TGFBI: variants seen among roughly 807,000 people sequenced by gnomAD.
The protein encoded by TGFBI is transforming growth factor-beta-induced protein ig-h3.
TGFBI carries 50 observed loss-of-function variants against 73.7 expected under a neutral mutation model. That is an observed-to-expected ratio of 0.68 (90% CI 0.54 to 0.86). TGFBI has a LOEUF of 0.86. Ranked by LOEUF, TGFBI falls within the 40% of genes least tolerant of loss-of-function variation. The pLI, the probability that TGFBI is intolerant of heterozygous loss-of-function variation, is 0.00. For synonymous variants in TGFBI, 362 were observed against 360.5 expected (o/e 1.00, Z -0.05); for missense variants, 839 against 877.0 (o/e 0.96, Z 0.55).
At chr5:136,032,521 G>A (rs529742797) in intron 1 of TGFBI, among the ~76,000 whole-genome samples, 15 of 152,294 alleles carry the variant, frequency 9.8e-5, no homozygotes, top group South Asian at 8.3e-4. Flanking sequence ...TAACAAATAC[G>A]CTGCACATCA....
intron 2 of TGFBI, among the ~76,000 whole-genome samples, chr5:136,035,517 C>T (rs45472895): frequency 4.0e-5 from 6 of 149,750 alleles, no homozygotes; most frequent in Admixed American, 1.3e-4. Flanking sequence ...CCCAGCTACT[C>T]GGGAGGCTGA....
chr5:136,061,072 G>A, intron 14 of TGFBI, 136 bp downstream of exon 14: 1 of 670,014 alleles, frequency 1.5e-6, no homozygotes, highest in Non-Finnish European at 2.5e-6. Flanking sequence ...CTATGTGACT[G>A]ATTGCAGAGT....
At chr5:136,032,318 C>T (rs1368909248) in intron 1 of TGFBI, among the ~76,000 whole-genome samples, 3 of 152,260 alleles carry the variant, frequency 2.0e-5, no homozygotes, top group South Asian at 2.1e-4. Context: ...CTCACTTTCA[C>T]CTGTTGAACA....
chr5:136,055,703 C>T lies in TGFBI; in HGVS notation c.1434C>T (p.Cys478=), dbSNP rs918036974. The change falls in exon 11 of 17, where the codon TGC becomes TGT. Residue 478 remains cysteine, a synonymous_variant. Coordinates refer to ENST00000442011, the MANE Select transcript of TGFBI (RefSeq NM_000358.3). The part of the protein sequence containing the change: ...YRNSLCIENS[C]IAAHDKRGRY... The stretch of plus-strand genomic sequence containing the variant: ...AGAGCCTCTGCATTGAGAACAGCTG[C>T]ATCGCGGCCCACGACAAGAGGGGGA... 1.2e-6 allele frequency: 2 copies of T among 1,609,494 alleles called. No individual in the cohort carries two copies. Among genetic ancestry groups the T allele is most frequent in the African/African-American group, 1.3e-5 (1 of 74,870 alleles).
chr5:136,044,871 G>A (rs1345120953), intron 3 of TGFBI: 1 of 152,152 alleles, frequency 6.6e-6, no homozygotes. Flanking sequence ...ATATAAAGTG[G>A]TATAGTATTT....
At chr5:136,055,945 C>T (rs560828000) in intron 11 of TGFBI, 129 bp downstream of exon 11, 8 of 966,914 alleles carry the variant, frequency 8.3e-6, no homozygotes, top group Admixed American at 3.2e-5. Context: ...TGCACTGCTG[C>T]GACCTTCCAG....
chr5:136,038,604 C>G (rs947274127), intron 2 of TGFBI, among the ~76,000 whole-genome samples: 3 of 151,896 alleles, frequency 2.0e-5, no homozygotes, highest in East Asian at 1.9e-4. Context: ...ACCTGTAATC[C>G]CAGCTACTCA....
intron 7 of TGFBI, among the ~76,000 whole-genome samples, chr5:136,050,493 T>A (rs1252748587): frequency 6.6e-6 from 1 of 152,174 alleles, no homozygotes; most frequent in Admixed American, 6.5e-5. Flanking sequence ...GTTTTCCTTT[T>A]GGAGATGAGA....
chr5:136,032,395 G>A (rs892844983), intron 1 of TGFBI, among the ~76,000 whole-genome samples: 1 of 152,212 alleles, frequency 6.6e-6, no homozygotes, highest in Non-Finnish European at 1.5e-5. Flanking sequence ...TGAAGGGGCA[G>A]AATGGACTCC....
In TGFBI at chr5:136,046,970, T is replaced by C. The variant is rs766510092; in HGVS notation, c.579T>C (p.Ser193=). ...TGAAACACGGCATGACCCTCACCTC[T>C]ATGTACCAGAATTCCAACATCCAGA... The part of the protein sequence containing the change: ...DELKHGMTLT[S]MYQNSNIQIH... The change falls in exon 5 of 17, where the codon TCT becomes TCC. Residue 193 remains serine (S), a synonymous_variant. Transcript: ENST00000442011. 6.2e-7 allele frequency: 1 copy of C among 1,613,606 alleles called. No individual in the cohort carries two copies. The highest frequency in any genetic ancestry group is 1.1e-5 in the South Asian group (1 of 91,052).
At chr5:136,039,489 C>A (rs1159195650) in intron 2 of TGFBI, among the ~76,000 whole-genome samples, 1 of 152,154 alleles carries the variant, frequency 6.6e-6, no homozygotes, top group Non-Finnish European at 1.5e-5. Context: ...GGCTGTGGGT[C>A]CCAGAGACAA....
rs1472761045 is a variant in TGFBI, at chr5:136,046,349, A to T, written c.313A>T (p.Asn105Tyr). 6.2e-7 allele frequency: 1 copy of T among 1,613,728 alleles called. No individual in the cohort carries two copies. The highest frequency in any genetic ancestry group is 8.5e-7 in the Non-Finnish European group (1 of 1,179,838). Reference sequence around the variant, plus strand: ...TGCTCCTGCAGCCCTACCACTCTCAAACCTTTACGAGACCCTGGGAGTCGT... The same window carrying T: ...TGCTCCTGCAGCCCTACCACTCTCATACCTTTACGAGACCCTGGGAGTCGT... ...KGCPAALPLS[N>Y]LYETLGVVGS... Residue 105 changes from asparagine (N) to tyrosine (Y), a missense_variant, in exon 4 of 17, where the codon AAC (asparagine) becomes TAC (tyrosine). Physicochemically the swap from Asn to Tyr is moderately radical, Grantham distance 143. Transcript: ENST00000442011.
At chr5:136,051,648 G>T (rs576405592) in intron 7 of TGFBI, among the ~76,000 whole-genome samples, 2 of 152,294 alleles carry the variant, frequency 1.3e-5, no homozygotes, top group African/African-American at 4.8e-5. Flanking sequence ...GTTACCGGCA[G>T]GTTGGCAGGC....
intron 4 of TGFBI, 170 bp from the exon 5 acceptor site, chr5:136,046,681 C>G: frequency 1.7e-6 from 2 of 1,203,466 alleles, no homozygotes; most frequent in South Asian, 3.2e-5. Flanking sequence ...GTCTAATGCC[C>G]CCCGTTCCCT....
intron 2 of TGFBI, among the ~76,000 whole-genome samples, chr5:136,034,167 CA>C (rs1751176633): frequency 6.6e-6 from 1 of 151,952 alleles, no homozygotes; most frequent in Non-Finnish European, 1.5e-5. Flanking sequence ...TAAAATAATA[CA>C]GATATGCAGT....
chr5:136,030,615 G>C (rs1751101788), intron 1 of TGFBI, among the ~76,000 whole-genome samples: 1 of 152,188 alleles, frequency 6.6e-6, no homozygotes, highest in Admixed American at 6.5e-5. Flanking sequence ...AGAATAGAGT[G>C]AGGGGGGATG....
chr5:136,047,700 C>A, intron 6 of TGFBI: 1 of 405,326 alleles, frequency 2.5e-6, no homozygotes, highest in Admixed American at 3.9e-5. Context: ...TCCTCTGAGC[C>A]CTGGACCTGC....
At chr5:136,029,847 AC>A (rs1428431822) in intron 1 of TGFBI, among the ~76,000 whole-genome samples, 1 of 152,208 alleles carries the variant, frequency 6.6e-6, no homozygotes, top group Non-Finnish European at 1.5e-5. Context: ...CCACTTTCCC[AC>A]AGTCCTGAAG....
chr5:136,031,837 A>G (rs1011444450), intron 1 of TGFBI, among the ~76,000 whole-genome samples: 3 of 151,092 alleles, frequency 2.0e-5, no homozygotes, highest in Admixed American at 2.0e-4. Flanking sequence ...GCCCACCCAC[A>G]CTCCCCGATG....
Sources: gnomAD v4.1 joint callset for allele counts (sites outside exome capture counted in the v4.1 genomes callset) on GRCh38, gnomAD v4.1.1 for gene constraint, MANE v1.5 for transcripts, NCBI Gene and HGNC (gene_info 2026-07-23, HGNC 2026-07-21) for gene names.